PRELID2: variants seen among roughly 807,000 people sequenced by gnomAD.
The protein encoded by PRELID2 is PRELI domain-containing protein 2.
PRELID2 carries 25 observed loss-of-function variants against 28.4 expected under a neutral mutation model. The ratio of observed to expected loss-of-function variants is 0.88; its 90% CI spans 0.64 to 1.23. PRELID2 has a LOEUF of 1.23. PRELID2 is among the 50% of genes most tolerant of loss of function. PRELID2 has a pLI of 0.00. For missense variants in PRELID2, 201 were observed against 214.4 expected, an observed-to-expected ratio of 0.94 and a Z score of 0.39; for synonymous variants, 76 against 71.6, an observed-to-expected ratio of 1.06 and a Z score of -0.31.
the PRELID2 span, among the ~76,000 whole-genome samples, chr5:145,301,926 A>G: frequency 1.4e-5 from 1 of 73,946 alleles, no homozygotes; most frequent in South Asian, 5.3e-4. Context: ...AACTTTATTC[A>G]TTTCTTTTTT....
At chr5:145,379,429 T>C in the PRELID2 span, among the ~76,000 whole-genome samples, 4 of 152,070 alleles carry the variant, frequency 2.6e-5, no homozygotes, top group Non-Finnish European at 5.9e-5. Flanking sequence ...ATGTGCATGG[T>C]TGTACTGGAG....
At chr5:145,393,376 C>A in the PRELID2 span, among the ~76,000 whole-genome samples, 1 of 152,090 alleles carries the variant, frequency 6.6e-6, no homozygotes, top group African/African-American at 2.4e-5. Context: ...ACTGAGTAGC[C>A]TGGCTTTGGG....
the PRELID2 span, among the ~76,000 whole-genome samples, chr5:145,345,296 TA>T: frequency 6.6e-6 from 1 of 151,684 alleles, no homozygotes; most frequent in African/African-American, 2.4e-5. Context: ...CTCAAGAAAG[TA>T]GATAAAGACA....
At chr5:145,267,174 A>G in the PRELID2 span, among the ~76,000 whole-genome samples, 2 of 152,142 alleles carry the variant, frequency 1.3e-5, no homozygotes. Flanking sequence ...TCAGCACAGG[A>G]GAAAGATGTA....
intron 1 of PRELID2, among the ~76,000 whole-genome samples, chr5:145,651,109 T>C (rs773445349): frequency 6.6e-6 from 1 of 152,048 alleles, no homozygotes; most frequent in African/African-American, 2.4e-5. Context: ...CAGGAGATGA[T>C]ATCCCACGCC....
intron 1 of PRELID2, among the ~76,000 whole-genome samples, chr5:145,525,917 T>C (rs1015222262): frequency 1.3e-5 from 2 of 152,144 alleles, no homozygotes; most frequent in African/African-American, 4.8e-5. Flanking sequence ...GGAAACCTGA[T>C]CCATTTTCTT....
chr5:145,641,963 C>A (rs140648547), intron 1 of PRELID2, among the ~76,000 whole-genome samples: 1 of 152,036 alleles, frequency 6.6e-6, no homozygotes, highest in Non-Finnish European at 1.5e-5. Flanking sequence ...TGAATAGTGC[C>A]GCAATATACA....
intron 1 of PRELID2, among the ~76,000 whole-genome samples, chr5:145,488,018 A>T (rs1339596692): frequency 6.6e-6 from 1 of 151,018 alleles, no homozygotes; most frequent in Non-Finnish European, 1.5e-5. Flanking sequence ...CAGCTACTTA[A>T]GAGGCTGAGG....
At chr5:145,649,604 T>A (rs1754255084) in intron 1 of PRELID2, among the ~76,000 whole-genome samples, 1 of 152,214 alleles carries the variant, frequency 6.6e-6, no homozygotes, top group African/African-American at 2.4e-5. Context: ...ATCCTTTTCT[T>A]TCTCCACACT....
chr5:145,561,724 G>A (rs539958806), intron 1 of PRELID2, among the ~76,000 whole-genome samples: 2 of 152,136 alleles, frequency 1.3e-5, no homozygotes, highest in Non-Finnish European at 2.9e-5. Context: ...CTGTCACATA[G>A]CCTCTCACCT....
At chr5:145,600,434 A>AAAAAAAAATATATATATATAT (rs1315631607) in intron 1 of PRELID2, among the ~76,000 whole-genome samples, 8 of 120,114 alleles carry the variant, frequency 6.7e-5, no homozygotes, top group African/African-American at 3.3e-4. Context: ...AAAAAAAAAA[A>AAAAAAAAATATATATATATAT]ATATATATAT....
At chr5:145,697,078 T>TACAC (rs1172711688) in intron 1 of PRELID2, among the ~76,000 whole-genome samples, 2 of 98,910 alleles carry the variant, frequency 2.0e-5, no homozygotes, top group Admixed American at 1.0e-4. Flanking sequence ...TATATATATA[T>TACAC]ATACACACAC....
the PRELID2 span, among the ~76,000 whole-genome samples, chr5:145,411,315 C>A: frequency 6.6e-6 from 1 of 152,098 alleles, no homozygotes; most frequent in South Asian, 2.1e-4. Flanking sequence ...ATCATGAGAA[C>A]AGCACAGGAA....
chr5:145,579,012 T>C (rs2149623277), intron 1 of PRELID2, among the ~76,000 whole-genome samples: 1 of 152,174 alleles, frequency 6.6e-6, no homozygotes, highest in South Asian at 2.1e-4. Context: ...TCTAGCTCTG[T>C]CCTGATACTC....
chr5:145,521,761 C>A (rs573897870), intron 1 of PRELID2, among the ~76,000 whole-genome samples: 1 of 152,070 alleles, frequency 6.6e-6, no homozygotes. Flanking sequence ...ATCCTCTTGG[C>A]TCAAAGTTCA....
At chr5:145,316,171 T>G in the PRELID2 span, among the ~76,000 whole-genome samples, 2 of 152,314 alleles carry the variant, frequency 1.3e-5, no homozygotes, top group African/African-American at 4.8e-5. Context: ...TGCTGTTGGT[T>G]TCTTGGTCTT....
At chr5:145,372,289 A>C in the PRELID2 span, among the ~76,000 whole-genome samples, 1 of 152,046 alleles carries the variant, frequency 6.6e-6, no homozygotes, top group Admixed American at 6.6e-5. Flanking sequence ...TTCTAATTTT[A>C]TTGCACTGTG....
At chr5:145,516,119 T>C (rs1167121905) in intron 1 of PRELID2, among the ~76,000 whole-genome samples, 1 of 152,120 alleles carries the variant, frequency 6.6e-6, no homozygotes, top group Non-Finnish European at 1.5e-5. Flanking sequence ...CTATTCAACA[T>C]AGTATTGGAA....
the PRELID2 span, among the ~76,000 whole-genome samples, chr5:145,451,602 T>G: frequency 6.6e-6 from 1 of 152,126 alleles, no homozygotes; most frequent in African/African-American, 2.4e-5. Flanking sequence ...TGAACACACT[T>G]GTTCTTTGAT....
Sources: allele counts gnomAD v4.1 joint callset (sites outside exome capture counted in the v4.1 genomes callset), GRCh38; gene constraint gnomAD v4.1.1; transcripts MANE v1.5; gene names NCBI Gene and HGNC (gene_info 2026-07-23, HGNC 2026-07-21).